The following NAV2 variants were observed in gnomAD, a reference collection of about 807,000 sequenced individuals.
NAV2 encodes the protein neuron navigator 2.
In NAV2, 54 loss-of-function variants were observed where a neutral mutation model predicts 223.2. The ratio of observed to expected loss-of-function variants is 0.24; its 90% confidence interval spans 0.19 to 0.30. The LOEUF is 0.30. NAV2 is among the 10% of genes least tolerant of loss of function. The pLI, the probability that NAV2 is intolerant of heterozygous loss-of-function variation, is 1.00. For synonymous variants in NAV2, 1,279 were observed against 1,239.3 expected (o/e 1.03, Z -0.67); for missense variants, 2,806 against 3,147.5 (o/e 0.89, Z 2.60).
chr11:20,044,987 G>A lies in NAV2; in HGVS notation c.3219G>A (p.Lys1073=), dbSNP rs1433744804. The A allele has an allele frequency of 1.2e-6, 2 of 1,612,078 alleles. No homozygotes were observed. The change falls in exon 14 of 38, where the codon AAG becomes AAA. Residue 1073 remains lysine, a synonymous_variant. Transcript: ENST00000349880. The part of the protein sequence containing the change: ...TPGTGKTDDA[K]VSEKGRLSPK... ...TCTTAGGAAAAACAGACGACGCAAA[G>A]GTGTCTGAGAAAGGAAGGCTTTCTC...
intron 29 of NAV2, 136 bp from the exon 30 acceptor site, chr11:20,095,536 C>T (rs2153690762): frequency 3.0e-6 from 2 of 659,028 alleles, no homozygotes; most frequent in East Asian, 2.6e-5. Context: ...TAAGTTATAC[C>T]TGGTTTTAAT....
intron 1 of NAV2, among the ~76,000 whole-genome samples, chr11:19,668,451 T>C (rs1487420337): frequency 7.2e-6 from 1 of 138,684 alleles, no homozygotes; most frequent in Non-Finnish European, 1.5e-5. Flanking sequence ...GAGAATCTCT[T>C]GAACCTGGGA....
At chr11:19,473,919 C>A (rs763565933) in intron 1 of NAV2, among the ~76,000 whole-genome samples, 15 of 152,188 alleles carry the variant, frequency 9.9e-5, no homozygotes, top group African/African-American at 3.1e-4. Context: ...AGGTTATGAC[C>A]TCCTTGGCTG....
chr11:19,591,697 AC>A (rs1485431172), intron 1 of NAV2, among the ~76,000 whole-genome samples: 1 of 152,082 alleles, frequency 6.6e-6, no homozygotes, highest in Non-Finnish European at 1.5e-5. Flanking sequence ...CCATTGTGGG[AC>A]CCTATAACCC....
rs116187981 is a variant in NAV2, at chr11:19,947,104, G to A, written c.2255+595G>A. The stretch of plus-strand genomic sequence containing the variant: ...GGCAGGAGGAGGTTTTATAGTTGTA[G>A]AAATCAAGGAAAGTTCTTGTTGTCC... On this transcript the variant is annotated intron_variant, in intron 9 of 37. Transcript: ENST00000349880. Among the ~76,000 whole-genome samples the A allele has an allele frequency of 4.5e-3, 686 of 152,296 alleles. 4 individuals are homozygous for A. The highest frequency in any genetic ancestry group is 0.016 in the African/African-American group (659 of 41,554).
intron 19 of NAV2, among the ~76,000 whole-genome samples, chr11:20,061,970 A>G (rs1195447823): frequency 2.0e-5 from 3 of 152,228 alleles, no homozygotes; most frequent in African/African-American, 4.8e-5. Context: ...GGGCAATGCA[A>G]TTGTGAGTCA....
chr11:19,658,758 G>C (rs1682850100), intron 1 of NAV2, among the ~76,000 whole-genome samples: 1 of 152,150 alleles, frequency 6.6e-6, no homozygotes, highest in African/African-American at 2.4e-5. Context: ...AATCAGCTAT[G>C]GTGGGAGTAT....
chr11:19,792,477 G>A (rs1244953123), intron 1 of NAV2, among the ~76,000 whole-genome samples: 1 of 152,160 alleles, frequency 6.6e-6, no homozygotes, highest in African/African-American at 2.4e-5. Context: ...TTGAAGATCC[G>A]TGTCCTAACT....
In NAV2 at chr11:19,690,123, C is replaced by T. The variant is rs1243223590; in HGVS notation, c.76-142361C>T. Among the ~76,000 whole-genome samples, 7 of 151,996 alleles carry T rather than the reference C, an allele frequency of 4.6e-5. No homozygotes were observed. In the South Asian group the frequency reaches 6.2e-4, roughly 14 times the overall value. ...GTAGCTGGGATTACACCAACACGGC[C>T]GGCTAATTTTGTATTTTTAGTAGAG... On this transcript the variant is annotated intron_variant, in intron 1 of 37. Coordinates refer to the NAV2 transcript ENST00000360655.
Position 19,451,864 on chromosome 11 carries a change from T to A in NAV2, c.75+100837T>A, listed in dbSNP as rs142003796. ...TAGAAGCTGGCTGGAGTCTAGAGAGTGACAGAGCAACAGCAGCTGCTGAGG... is the reference window on the plus strand; with the variant it reads ...TAGAAGCTGGCTGGAGTCTAGAGAGAGACAGAGCAACAGCAGCTGCTGAGG... On this transcript the variant is annotated intron_variant, in intron 1 of 37. Transcript: ENST00000360655. Among the ~76,000 whole-genome samples, 660 of 151,996 alleles carry A rather than the reference T, an allele frequency of 4.3e-3. 5 individuals carry two copies. Among genetic ancestry groups the A allele is most frequent in the African/African-American group, 0.015 (632 of 41,434 alleles).
chr11:19,917,630 T>C (rs765684011), intron 6 of NAV2, among the ~76,000 whole-genome samples: 1 of 152,224 alleles, frequency 6.6e-6, no homozygotes, highest in Non-Finnish European at 1.5e-5. Flanking sequence ...TTTGTTTTTG[T>C]TTGAGACAGT....
intron 1 of NAV2, among the ~76,000 whole-genome samples, chr11:19,422,126 G>A (rs751606882): frequency 1.3e-5 from 2 of 152,200 alleles, no homozygotes; most frequent in Non-Finnish European, 2.9e-5. Context: ...GCAGATCCAG[G>A]CCTGCAACTC....
intron 1 of NAV2, among the ~76,000 whole-genome samples, chr11:19,814,820 C>T (rs1461932663): frequency 6.6e-6 from 1 of 152,120 alleles, no homozygotes; most frequent in Admixed American, 6.5e-5. Flanking sequence ...GAGAGAGAAC[C>T]TTCTTAGCCT....
At chr11:19,996,275 T>G (rs1157129936) in intron 11 of NAV2, among the ~76,000 whole-genome samples, 1 of 152,180 alleles carries the variant, frequency 6.6e-6, no homozygotes, top group Non-Finnish European at 1.5e-5. Flanking sequence ...CAAACCTTGT[T>G]TAGACCTATA....
chr11:19,660,729 T>C lies in NAV2; in HGVS notation c.76-171755T>C, dbSNP rs1031646463. 1.4e-4 allele frequency among the ~76,000 whole-genome samples: 22 copies of C among 152,174 alleles called. 1 individual carries two copies. The highest frequency in any genetic ancestry group is 2.6e-4 in the Non-Finnish European group (18 of 68,040). Reference sequence around the variant, plus strand: ...CTTTCACAATATAAAATTATAATATTGAATATAATTTCTAAACATTTGTCT... The same window carrying C: ...CTTTCACAATATAAAATTATAATATCGAATATAATTTCTAAACATTTGTCT... On this transcript the variant is annotated intron_variant, in intron 1 of 37. Transcript: ENST00000360655.
intron 13 of NAV2, 66 bp downstream of exon 13, chr11:20,044,338 T>G: frequency 8.0e-6 from 11 of 1,380,430 alleles, no homozygotes; most frequent in African/African-American, 1.4e-5. Flanking sequence ...TAGTTAACTC[T>G]AGCAAGGACT....
Position 20,054,082 on chromosome 11 carries a change from A to G in NAV2, c.4484A>G (p.Tyr1495Cys), listed in dbSNP as rs374392782. The G allele has an allele frequency of 3.1e-6, 5 of 1,612,894 alleles. No individual in the cohort carries two copies. The highest frequency in any genetic ancestry group is 3.4e-5 in the Admixed American group (2 of 59,462). Residue 1495 changes from tyrosine (Y) to cysteine (C), a missense_variant and splice_region_variant, in exon 18 of 38, where the codon TAT becomes TGT. Physicochemically the swap from Tyr to Cys is radical, Grantham distance 194. Around this residue, in one of 4 missense-constraint regions of NAV2, gnomAD observed 742 missense variants for 777.9 expected, o/e 0.95. Transcript: ENST00000349880. ...CGGCTTGATTTCTGTCTGTCCAGGT[A>G]TACTCCCACCTCCCAGCTTCGCACG... ...RNTLPKKGLRYTPTSQLRTQE... is the reference protein window; with the variant it reads ...RNTLPKKGLRCTPTSQLRTQE...
intron 22 of NAV2, among the ~76,000 whole-genome samples, chr11:20,074,399 C>A (rs2059592189): frequency 6.6e-6 from 1 of 152,030 alleles, no homozygotes; most frequent in Non-Finnish European, 1.5e-5. Context: ...CTGAGAAGAA[C>A]ATATTTTCTG....
intron 5 of NAV2, among the ~76,000 whole-genome samples, chr11:19,888,802 T>A (rs1847318957): frequency 1.3e-5 from 2 of 152,158 alleles, no homozygotes; most frequent in South Asian, 4.1e-4. Context: ...TGCTTTCCCA[T>A]CCCCTACTCA....
Sources: allele counts gnomAD v4.1 joint callset (sites outside exome capture counted in the v4.1 genomes callset), GRCh38; gene constraint gnomAD v4.1.1; regional missense constraint gnomAD v4.1.1; transcripts MANE v1.5; gene names NCBI Gene and HGNC (gene_info 2026-07-23, HGNC 2026-07-21).